KAZN: variants seen among roughly 807,000 people sequenced by gnomAD.
The protein encoded by KAZN is kazrin, periplakin interacting protein, also known as kazrin.
In KAZN, 40 loss-of-function variants were observed where a neutral mutation model predicts 87.4. The ratio of observed to expected loss-of-function variants is 0.46; its 90% CI spans 0.36 to 0.60. KAZN has a LOEUF of 0.60. Among genes scored for constraint, KAZN ranks in the 20% least tolerant of loss-of-function variants. The pLI is 0.00. For synonymous variants in KAZN, 466 were observed against 458.3 expected (o/e 1.02, Z -0.22); for missense variants, 898 against 1,073.9 (o/e 0.84, Z 2.29).
At chr1:14,215,237 A>G (rs553569740) in intron 2 of KAZN, among the ~76,000 whole-genome samples, 3 of 152,216 alleles carry the variant, frequency 2.0e-5, no homozygotes, top group Non-Finnish European at 4.4e-5. Flanking sequence ...TCATTAGATA[A>G]GTATGATGTA....
chr1:14,658,608 GTA>G (rs200994162), intron 1 of KAZN, among the ~76,000 whole-genome samples: 1,547 of 151,728 alleles, frequency 0.01, 25 homozygotes, highest in East Asian at 0.042. Flanking sequence ...GAAAATATAT[GTA>G]TATATATATA....
At chr1:13,999,391 AAAAC>A (rs1321799832) in intron 1 of KAZN, among the ~76,000 whole-genome samples, 3 of 151,796 alleles carry the variant, frequency 2.0e-5, no homozygotes, top group Non-Finnish European at 2.9e-5. Context: ...ACAAACAAAA[AAAAC>A]CACAACTCAC....
intron 2 of KAZN, among the ~76,000 whole-genome samples, chr1:14,423,894 T>C (rs760546617): frequency 2.0e-5 from 3 of 152,154 alleles, no homozygotes; most frequent in Non-Finnish European, 2.9e-5. Context: ...ACATCAGCTT[T>C]GCCTATAAAG....
At chr1:14,151,140 C>A (rs1645465194) in intron 1 of KAZN, among the ~76,000 whole-genome samples, 1 of 152,148 alleles carries the variant, frequency 6.6e-6, no homozygotes. Context: ...TCTACAACAT[C>A]ATTTATAAGG....
chr1:14,454,384 C>A (rs891854478), intron 2 of KAZN, among the ~76,000 whole-genome samples: 2 of 152,154 alleles, frequency 1.3e-5, no homozygotes, highest in African/African-American at 4.8e-5. Flanking sequence ...CTGAGAGTAT[C>A]ATCTTTATTT....
At chr1:15,051,713 T>C (rs1011969291) in intron 4 of KAZN, among the ~76,000 whole-genome samples, 7 of 152,016 alleles carry the variant, frequency 4.6e-5, no homozygotes, top group Non-Finnish European at 1.0e-4. Context: ...CAGAACCAAA[T>C]CCAGACAGAG....
chr1:14,387,218 A>G (rs1037280938), intron 2 of KAZN, among the ~76,000 whole-genome samples: 3 of 151,736 alleles, frequency 2.0e-5, no homozygotes, highest in Non-Finnish European at 4.4e-5. Flanking sequence ...ATTCTTCTAA[A>G]TTTTTTTCAA....
At chr1:14,917,192 G>T (rs1043074582) in intron 1 of KAZN, among the ~76,000 whole-genome samples, 1 of 152,162 alleles carries the variant, frequency 6.6e-6, no homozygotes, top group African/African-American at 2.4e-5. Context: ...CAGATGGCAG[G>T]GTGGACCCCG....
chr1:14,328,804 C>T (rs1656635751), intron 2 of KAZN, among the ~76,000 whole-genome samples: 1 of 134,114 alleles, frequency 7.5e-6, no homozygotes, highest in Non-Finnish European at 1.6e-5. Flanking sequence ...ATGGGTGGAT[C>T]AAAGGATTGT....
intron 1 of KAZN, among the ~76,000 whole-genome samples, chr1:13,983,114 G>C (rs12064995): frequency 6.6e-6 from 1 of 152,196 alleles, no homozygotes; most frequent in Non-Finnish European, 1.5e-5. Flanking sequence ...AGTGGATCTC[G>C]CACGGGGGCT....
chr1:14,970,816 C>T (rs552401032), intron 2 of KAZN, among the ~76,000 whole-genome samples: 1 of 152,350 alleles, frequency 6.6e-6, no homozygotes, highest in South Asian at 2.1e-4. Context: ...CTCACCCACG[C>T]CCATCTGATA....
rs1468917580 is a variant in KAZN at position 15,065,625 on chromosome 1, C to T, written c.1099-5C>T. Reference sequence around the variant, plus strand: ...CCCTCTTCCACGTGGCTCCTGACTCCTCAGTCACTAGAGGATCTTGAAGAC... The same window carrying T: ...CCCTCTTCCACGTGGCTCCTGACTCTTCAGTCACTAGAGGATCTTGAAGAC... On this transcript the variant is annotated splice_polypyrimidine_tract_variant and splice_region_variant and intron_variant, in intron 7 of 14. Transcript: ENST00000376030. 1.2e-6 allele frequency: 2 copies of T among 1,605,940 alleles called. No homozygotes were observed. The highest frequency in any genetic ancestry group is 3.4e-5 in the Admixed American group (2 of 59,254).
chr1:14,766,141 C>T (rs1644876978), intron 1 of KAZN, among the ~76,000 whole-genome samples: 1 of 152,166 alleles, frequency 6.6e-6, no homozygotes, highest in South Asian at 2.1e-4. Context: ...CGAGCTGCCA[C>T]CGTGGGCAAC....
At chr1:14,159,071 C>A (rs557048158) in intron 1 of KAZN, among the ~76,000 whole-genome samples, 2 of 152,242 alleles carry the variant, frequency 1.3e-5, no homozygotes, top group Non-Finnish European at 2.9e-5. Context: ...CAACAAAGCA[C>A]TGGATCTCAC....
chr1:14,880,869 A>G (rs1653266365), intron 1 of KAZN, among the ~76,000 whole-genome samples: 2 of 152,212 alleles, frequency 1.3e-5, no homozygotes, highest in African/African-American at 2.4e-5. Flanking sequence ...TACTGGTCAG[A>G]GTAGACACAT....
chr1:14,256,701 T>G (rs1217213470), intron 2 of KAZN, among the ~76,000 whole-genome samples: 1 of 152,152 alleles, frequency 6.6e-6, no homozygotes, highest in Non-Finnish European at 1.5e-5. Flanking sequence ...TTCTGTCATA[T>G]GTAAGGGGCA....
intron 2 of KAZN, among the ~76,000 whole-genome samples, chr1:14,356,677 T>C (rs553096666): frequency 3.3e-5 from 5 of 152,324 alleles, no homozygotes; most frequent in Admixed American, 2.6e-4. Context: ...ATTTATTAAA[T>C]AGGGAATCCT....
In KAZN at chr1:14,841,424, A is replaced by G. The variant is rs1365669488; in HGVS notation, c.227-119260A>G. Among the ~76,000 whole-genome samples, 228 of 23,350 alleles carry G rather than the reference A, an allele frequency of 9.8e-3. 2 individuals carry two copies. The highest frequency in any genetic ancestry group is 0.021 in the South Asian group (11 of 518). The allele number at this position is 23,350 out of a possible 152,430, so 15.3% of individuals were successfully genotyped here. ...CCGTCTCAAAAAAAAAAAAAAAAAA[A>G]AAAAAAAAAAAAAAAAAGAAATGGA... On this transcript the variant is annotated intron_variant, in intron 1 of 14. Transcript: ENST00000376030.
chr1:15,065,619 T>C lies in KAZN; in HGVS notation c.1099-11T>C, dbSNP rs780813150. 1.2e-6 allele frequency: 2 copies of C among 1,601,050 alleles called. No individual in the cohort carries two copies. Among genetic ancestry groups the C allele is most frequent in the East Asian group, 4.5e-5 (2 of 44,612 alleles). On this transcript the variant is annotated splice_polypyrimidine_tract_variant and intron_variant, in intron 7 of 14. Coordinates refer to ENST00000376030, the MANE Select transcript of KAZN (RefSeq NM_201628.3). ...CCCCCACCCTCTTCCACGTGGCTCC[T>C]GACTCCTCAGTCACTAGAGGATCTT...
Sources: allele counts gnomAD v4.1 joint callset (sites outside exome capture counted in the v4.1 genomes callset), GRCh38; gene constraint gnomAD v4.1.1; transcripts MANE v1.5; gene names NCBI Gene and HGNC (gene_info 2026-07-23, HGNC 2026-07-21).